XRCC6: variants seen among roughly 807,000 people sequenced by gnomAD.
XRCC6 encodes X-ray repair cross complementing 6, also known as DNA repair protein Ku70.
In XRCC6, 5 loss-of-function variants were observed where a neutral mutation model predicts 65.7. The observed-to-expected ratio is 0.08, with a 90% confidence interval of 0.04 to 0.16. The LOEUF is 0.16. Among genes scored for constraint, XRCC6 ranks in the 10% least tolerant of loss-of-function variants. The pLI is 1.00. For synonymous variants in XRCC6, 270 were observed against 270.6 expected (o/e 1.00, Z 0.02); for missense variants, 447 against 738.1 (o/e 0.61, Z 4.57).
intron 6 of XRCC6, among the ~76,000 whole-genome samples, chr22:41,638,643 G>A (rs1167061722): frequency 2.6e-5 from 4 of 151,884 alleles, no homozygotes; most frequent in Non-Finnish European, 5.9e-5. Context: ...AAATTAGCTG[G>A]ACGTGATGGC....
chr22:41,631,362 C>A (rs941517969), intron 3 of XRCC6, among the ~76,000 whole-genome samples: 2 of 151,172 alleles, frequency 1.3e-5, no homozygotes, highest in African/African-American at 4.9e-5. Context: ...GGGCTCCTCA[C>A]TTCTCAGACG....
chr22:41,656,382 G>T (rs1025092837), intron 9 of XRCC6, among the ~76,000 whole-genome samples: 9 of 151,934 alleles, frequency 5.9e-5, no homozygotes, highest in African/African-American at 2.2e-4. Flanking sequence ...TTAGCCGGGC[G>T]TGGTGGCGCC....
At chr22:41,626,174 G>A (rs1005570036) in intron 2 of XRCC6, among the ~76,000 whole-genome samples, 4 of 148,440 alleles carry the variant, frequency 2.7e-5, no homozygotes, top group African/African-American at 1.0e-4. Flanking sequence ...ACGGGTTCTC[G>A]CTCTGTCACG....
At chr22:41,646,747 TTG>T (rs2067936151) in intron 6 of XRCC6, 147 bp from the exon 7 acceptor site, 1 of 644,696 alleles carries the variant, frequency 1.6e-6, no homozygotes, top group Admixed American at 2.9e-5. Context: ...GCAAATTCGA[TTG>T]TATTATTAAA....
intron 3 of XRCC6, among the ~76,000 whole-genome samples, chr22:41,631,910 G>A (rs1247781062): frequency 1.3e-5 from 2 of 152,202 alleles, no homozygotes; most frequent in African/African-American, 2.4e-5. Flanking sequence ...CGGATCACTC[G>A]CGGTTAGGAG....
At chr22:41,630,137 C>G (rs977104922) in intron 3 of XRCC6, among the ~76,000 whole-genome samples, 1 of 152,038 alleles carries the variant, frequency 6.6e-6, no homozygotes, top group African/African-American at 2.4e-5. Context: ...GCACGTGTCA[C>G]CATGCCCAGC....
At chr22:41,661,138 C>T (rs1165538173) in intron 11 of XRCC6, among the ~76,000 whole-genome samples, 193 bp from the exon 12 acceptor site, 17 of 151,924 alleles carry the variant, frequency 1.1e-4, no homozygotes, top group Admixed American at 1.0e-3. Flanking sequence ...CAGTGCCTGG[C>T]GGTAGTATGT....
chr22:41,658,051 T>A (rs921796574), intron 10 of XRCC6, among the ~76,000 whole-genome samples: 1 of 152,122 alleles, frequency 6.6e-6, no homozygotes, highest in Non-Finnish European at 1.5e-5. Flanking sequence ...CTTGAACTGC[T>A]AGACTCAAGC....
chr22:41,638,096 A>G (rs1021875209), intron 6 of XRCC6, among the ~76,000 whole-genome samples: 1 of 152,118 alleles, frequency 6.6e-6, no homozygotes, highest in Non-Finnish European at 1.5e-5. Context: ...CCTCTAAAAT[A>G]GTTTATTTCA....
intron 7 of XRCC6, among the ~76,000 whole-genome samples, chr22:41,649,139 A>AAAAAAAAAAAAAATAT: frequency 1.1e-5 from 1 of 88,736 alleles, no homozygotes; most frequent in Non-Finnish European, 2.1e-5. Flanking sequence ...AAAAAAAAAA[A>AAAAAAAAAAAAAATAT]ATATATATAT....
rs370771832 is a variant in XRCC6, at chr22:41,657,529, A to G, written c.1421+497A>G. On this transcript the variant is annotated intron_variant, in intron 10 of 12. Coordinates refer to ENST00000360079, the MANE Select transcript of XRCC6 (RefSeq NM_001469.5). ...TATTATTATTATTATTATTATTATT[A>G]TTATTATTTTGAGACAGGGTCTCTT... is the stretch of plus-strand genomic sequence containing the variant. Among the ~76,000 whole-genome samples, 7 of 77,010 alleles carry G rather than the reference A, an allele frequency of 9.1e-5. No individual in the cohort carries two copies. The South Asian group carries it at 2.7e-3, about 30-fold the overall frequency. The allele number at this position is 77,010 out of a possible 152,430, so 50.5% of individuals were successfully genotyped here.
At chr22:41,643,428 A>T (rs1198330973) in intron 6 of XRCC6, among the ~76,000 whole-genome samples, 1 of 151,534 alleles carries the variant, frequency 6.6e-6, no homozygotes, top group African/African-American at 2.4e-5. Context: ...AGAAAACAAA[A>T]AAGTGTTAAA....
intron 7 of XRCC6, 118 bp from the exon 8 acceptor site, chr22:41,650,605 G>A (rs951939223): frequency 2.8e-6 from 3 of 1,060,410 alleles, no homozygotes; most frequent in African/African-American, 3.2e-5. Context: ...CCCCAGGTGA[G>A]CCATCTTCCT....
At position 41,636,711 on chromosome 22, in the gene XRCC6, G is replaced by A. The variant is rs577089846; in HGVS notation, c.530G>A (p.Gly177Asp). Residue 177 changes from glycine to aspartate, a missense_variant, in exon 5 of 13, where the codon GGC becomes GAC. Gly to Asp is a moderately conservative substitution (Grantham distance 94). Around this residue, in one of 4 missense-constraint regions of XRCC6, gnomAD observed 228 missense variants for 307.4 expected, o/e 0.74. Transcript: ENST00000360079. Reference sequence around the variant, plus strand: ...TTCACCAATGAAGACAACCCCCATGGCAATGACAGTGCCAAAGCCAGCCGG... The same window carrying A: ...TTCACCAATGAAGACAACCCCCATGACAATGACAGTGCCAAAGCCAGCCGG... ...MLFTNEDNPH[G>D]NDSAKASRAR... The A allele has an allele frequency of 3.1e-5, 50 of 1,614,140 alleles. No homozygotes were observed. The South Asian group carries it at 5.3e-4, about 17-fold the overall frequency.
chr22:41,644,175 G>T (rs578156902), intron 6 of XRCC6, among the ~76,000 whole-genome samples: 2 of 151,980 alleles, frequency 1.3e-5, no homozygotes, highest in South Asian at 4.2e-4. Context: ...TGTTTTCCTC[G>T]TGATTTCTTC....
At chr22:41,622,211 T>A in intron 2 of XRCC6, 125 bp downstream of exon 2, 1 of 1,039,050 alleles carries the variant, frequency 9.6e-7, no homozygotes, top group Non-Finnish European at 1.4e-6. Context: ...TCTGAAATTC[T>A]TTTCTTCCTT....
In XRCC6 at chr22:41,626,643, G is replaced by GT. The variant is rs775432486; in HGVS notation, c.83-1463dup. ...CTAATGTTTGTTTGTTTTTTTTTTT[G>GT]TTTTTTTTTTTTGAGACCGAGTCTC... On this transcript the variant is annotated intron_variant, in intron 2 of 12. Coordinates refer to ENST00000360079, the MANE Select transcript of XRCC6 (RefSeq NM_001469.5). Among the ~76,000 whole-genome samples the GT allele has an allele frequency of 2.8e-3, 360 of 129,526 alleles. 2 individuals are homozygous for GT. The highest frequency in any genetic ancestry group is 6.7e-3 in the African/African-American group (230 of 34,362). The allele number at this position is 129,526 out of a possible 152,430, so 85.0% of individuals were successfully genotyped here.
At chr22:41,626,892 G>C (rs1158566917) in intron 2 of XRCC6, among the ~76,000 whole-genome samples, 1 of 151,616 alleles carries the variant, frequency 6.6e-6, no homozygotes, top group Admixed American at 6.6e-5. Context: ...CGCGCGCCTC[G>C]GCCTCCCAAA....
chr22:41,661,443 C>T lies in XRCC6; in HGVS notation c.1635C>T (p.His545=), dbSNP rs373145998. The part of the protein sequence containing the change: ...NPEGKVTKRK[H]DNEGSGSKRP... ...AAGGGAAAGTTACCAAGAGAAAACA[C>T]GGTGAGAAGCTGAATGTGGACATGT... is the stretch of plus-strand genomic sequence containing the variant. Residue 545 remains histidine, a splice_region_variant and synonymous_variant, in exon 12 of 13, where the codon CAC becomes CAT. Transcript: ENST00000360079. 3.3e-5 allele frequency: 54 copies of T among 1,612,844 alleles called. No homozygotes were observed. In the East Asian group the frequency reaches 6.5e-4, roughly 19 times the overall value.
Sources: gnomAD v4.1 joint callset for allele counts (sites outside exome capture counted in the v4.1 genomes callset) on GRCh38, gnomAD v4.1.1 for gene constraint, gnomAD v4.1.1 regional missense constraint, MANE v1.5 for transcripts, NCBI Gene and HGNC (gene_info 2026-07-23, HGNC 2026-07-21) for gene names.